YWHAZ: variants seen among roughly 807,000 people sequenced by gnomAD.
The protein encoded by YWHAZ is 14-3-3 protein zeta/delta.
For missense variants in YWHAZ, 79 were observed against 284.8 expected (o/e 0.28, Z 5.20); for synonymous variants, 87 against 103.6 (o/e 0.84, Z 0.97).
In YWHAZ at chr8:100,933,164, G is replaced by A. The variant is rs552759315; in HGVS notation, c.295-8125C>T. On this transcript the variant is annotated intron_variant, in intron 2 of 5. Transcript: ENST00000395958. ...TCATGAGGTCAGGAGCTCAAGACCAGCCTGGCCAAGATGGTGAAAGCCTGT... is the reference window on the plus strand; with the variant it reads ...TCATGAGGTCAGGAGCTCAAGACCAACCTGGCCAAGATGGTGAAAGCCTGT... Among the ~76,000 whole-genome samples, 9 of 152,226 alleles carry A rather than the reference G, an allele frequency of 5.9e-5. No individual in the cohort carries two copies. In the East Asian group the frequency reaches 1.5e-3, roughly 26 times the overall value.
upstream of YWHAZ, chr8:100,952,645 T>A (rs1810886950): frequency 1.0e-5 from 4 of 386,076 alleles, no homozygotes; most frequent in Non-Finnish European, 1.4e-5. Context: ...CCGGGCAGGA[T>A]GACAAGGGTG....
At chr8:100,952,073 T>G, upstream of YWHAZ, 1 of 987,458 alleles carries the variant, frequency 1.0e-6, no homozygotes, top group Non-Finnish European at 1.2e-6. Flanking sequence ...CGGGGTTTCC[T>G]CCAATCACCA....
At chr8:100,932,741 A>G (rs948804833) in intron 2 of YWHAZ, among the ~76,000 whole-genome samples, 1 of 152,226 alleles carries the variant, frequency 6.6e-6, no homozygotes, top group Non-Finnish European at 1.5e-5. Flanking sequence ...CAGCTAGTTT[A>G]TCTCACAATT....
upstream of YWHAZ, chr8:100,953,083 G>A (rs1192757352): frequency 3.0e-6 from 3 of 993,570 alleles, no homozygotes; most frequent in African/African-American, 5.2e-5. Flanking sequence ...GCCGCTTTAG[G>A]GAAGCCAGAG....
At chr8:100,936,521 G>GA (rs1814157889) in intron 2 of YWHAZ, among the ~76,000 whole-genome samples, 1 of 152,192 alleles carries the variant, frequency 6.6e-6, no homozygotes, top group African/African-American at 2.4e-5. Context: ...TAATCATGAA[G>GA]AATCACCAGA....
chr8:100,946,123 C>T (rs1810245759), intron 2 of YWHAZ, among the ~76,000 whole-genome samples: 2 of 152,088 alleles, frequency 1.3e-5, no homozygotes, highest in African/African-American at 4.8e-5. Flanking sequence ...GAGTGAACTT[C>T]CTTAATAATC....
intron 2 of YWHAZ, among the ~76,000 whole-genome samples, chr8:100,934,391 T>C (rs1271771616): frequency 6.6e-6 from 1 of 150,438 alleles, no homozygotes; most frequent in Non-Finnish European, 1.5e-5. Flanking sequence ...AATAGAATAC[T>C]ATACAGACAT....
chr8:100,917,805 A>C lies in YWHAZ; in HGVS notation c.*2888T>G, dbSNP rs1812765990. Reference sequence around the variant, plus strand: ...TTCCTGGCACTAGGATGTTACATTGACAAAAGCAGACGTAAAGCCTGGATT... The same window carrying C: ...TTCCTGGCACTAGGATGTTACATTGCCAAAAGCAGACGTAAAGCCTGGATT... On this transcript the variant is annotated 3_prime_UTR_variant, in exon 6 of 6. Transcript: ENST00000395958. 1 of 152,232 alleles carries C rather than the reference A, an allele frequency of 6.6e-6. No homozygotes were observed. The highest frequency in any genetic ancestry group is 2.1e-4 in the South Asian group (1 of 4,832). 9.4% of individuals were successfully genotyped at this position (152,232 alleles called of 1,614,324 possible).
At chr8:100,926,905 T>C (rs1386572600) in intron 2 of YWHAZ, among the ~76,000 whole-genome samples, 1 of 152,236 alleles carries the variant, frequency 6.6e-6, no homozygotes, top group Admixed American at 6.5e-5. Flanking sequence ...AAAAGTTTCA[T>C]TGTTACACAA....
intron 5 of YWHAZ, 49 bp from the exon 6 acceptor site, chr8:100,920,801 G>GA: frequency 1.1e-6 from 1 of 903,220 alleles, no homozygotes; most frequent in Non-Finnish European, 1.7e-6. Context: ...GGGATGGGGG[G>GA]GGGGGGGCGT....
chr8:100,943,555 A>G (rs1810027196), intron 2 of YWHAZ, among the ~76,000 whole-genome samples: 1 of 152,184 alleles, frequency 6.6e-6, no homozygotes, highest in Admixed American at 6.5e-5. Context: ...TCAAACAGCA[A>G]AGGCCTCTAC....
chr8:100,925,141 T>G (rs1813273116), intron 2 of YWHAZ, 102 bp from the exon 3 acceptor site: 1 of 1,286,916 alleles, frequency 7.8e-7, no homozygotes, highest in African/African-American at 1.5e-5. Flanking sequence ...TTATAAAACT[T>G]AAACACCCAG....
At chr8:100,943,533 T>C (rs1810025050) in intron 2 of YWHAZ, among the ~76,000 whole-genome samples, 1 of 152,096 alleles carries the variant, frequency 6.6e-6, no homozygotes, top group South Asian at 2.1e-4. Context: ...ACAGAGCTAG[T>C]TTCCCTTCCC....
At chr8:100,952,547 G>C (rs1241861168), upstream of YWHAZ, 1 of 159,274 alleles carries the variant, frequency 6.3e-6, no homozygotes, top group Non-Finnish European at 1.3e-5. Flanking sequence ...AGCAACATCC[G>C]GGACCTTTCA....
intron 2 of YWHAZ, among the ~76,000 whole-genome samples, chr8:100,941,452 C>T (rs541460772): frequency 2.0e-5 from 3 of 152,196 alleles, no homozygotes; most frequent in African/African-American, 7.2e-5. Flanking sequence ...ACTCTAGATC[C>T]CAAAAATTGT....
chr8:100,946,552 A>AAAAC lies in YWHAZ; in HGVS notation c.294+2040_294+2043dup, dbSNP rs528889801. Among the ~76,000 whole-genome samples the AAAAC allele has an allele frequency of 4.7e-3, 714 of 152,248 alleles. 2 individuals are homozygous for AAAAC. The highest frequency in any genetic ancestry group is 8.3e-3 in the Non-Finnish European group (567 of 68,012). On this transcript the variant is annotated intron_variant, in intron 2 of 5. Transcript: ENST00000395958. The stretch of plus-strand genomic sequence containing the variant: ...GGTGACAAGAGCAAAACTCAGTCTC[A>AAAAC]AAACAAACAAACAAACAAACATACA...
At chr8:100,950,442 G>A in intron 1 of YWHAZ, 1 of 985,446 alleles carries the variant, frequency 1.0e-6, no homozygotes, top group Middle Eastern at 5.2e-4. Context: ...AACGAAAACG[G>A]GCAGACCCGG....
intron 2 of YWHAZ, among the ~76,000 whole-genome samples, chr8:100,947,810 T>G (rs1017663928): frequency 1.3e-5 from 2 of 152,212 alleles, no homozygotes; most frequent in African/African-American, 4.8e-5. Context: ...AGTGTAACCA[T>G]TTAGTAAAAC....
chr8:100,925,094 G>C, intron 2 of YWHAZ, 55 bp from the exon 3 acceptor site: 1 of 1,539,116 alleles, frequency 6.5e-7, no homozygotes, highest in Non-Finnish European at 8.7e-7. Context: ...AAAACTGAAA[G>C]AACTTGCATT....
Sources: allele counts gnomAD v4.1 joint callset (sites outside exome capture counted in the v4.1 genomes callset), GRCh38; gene constraint gnomAD v4.1.1; transcripts MANE v1.5; gene names NCBI Gene and HGNC (gene_info 2026-07-23, HGNC 2026-07-21).